The following GDAP1 variants were observed in gnomAD, a reference collection of about 807,000 sequenced individuals.
The protein encoded by GDAP1 is ganglioside-induced differentiation-associated protein 1.
Under a neutral mutation model 40.1 loss-of-function variants are expected in GDAP1, and 34 were observed. The ratio of observed to expected loss-of-function variants is 0.85; its 90% CI spans 0.64 to 1.13. GDAP1 has a LOEUF of 1.13. Among genes scored for constraint, GDAP1 ranks in the 50% most tolerant of loss-of-function variants. The pLI is 0.00. For synonymous variants in GDAP1, 170 were observed against 157.4 expected, an observed-to-expected ratio of 1.08 and a Z score of -0.60; for missense variants, 374 against 433.7, an observed-to-expected ratio of 0.86 and a Z score of 1.22.
chr8:74,394,980 C>CT (rs752099386), intron 2 of GDAP1, among the ~76,000 whole-genome samples: 10 of 152,142 alleles, frequency 6.6e-5, no homozygotes, highest in Non-Finnish European at 8.8e-5. Context: ...TTTAACTGGA[C>CT]TTTTTATCTT....
intron 2 of GDAP1, among the ~76,000 whole-genome samples, chr8:74,484,904 T>C (rs1806757208): frequency 6.6e-6 from 1 of 152,086 alleles, no homozygotes. Context: ...CCGGCCAAGT[T>C]CAAGCCCTCA....
At chr8:74,387,472 A>C (rs1019110773) in intron 2 of GDAP1, among the ~76,000 whole-genome samples, 3 of 152,052 alleles carry the variant, frequency 2.0e-5, no homozygotes, top group Admixed American at 6.6e-5. Flanking sequence ...TGTTTATGTG[A>C]TGGATCATGT....
chr8:74,380,942 T>C (rs1382486944), intron 2 of GDAP1, among the ~76,000 whole-genome samples: 2 of 152,146 alleles, frequency 1.3e-5, no homozygotes, highest in Admixed American at 1.3e-4. Context: ...GTATTCCTAA[T>C]CCTGTTTAAC....
At chr8:74,484,225 C>T (rs538929804) in intron 2 of GDAP1, among the ~76,000 whole-genome samples, 1 of 152,224 alleles carries the variant, frequency 6.6e-6, no homozygotes, top group South Asian at 2.1e-4. Flanking sequence ...ATTAATTGAA[C>T]ATTCCAATTA....
chr8:74,477,555 G>A (rs906236121), intron 2 of GDAP1, among the ~76,000 whole-genome samples: 3 of 151,984 alleles, frequency 2.0e-5, no homozygotes, highest in Non-Finnish European at 4.4e-5. Context: ...ATTTTAGGGG[G>A]CCAAGGCTCA....
At chr8:74,398,458 TG>T (rs1473263786) in intron 2 of GDAP1, among the ~76,000 whole-genome samples, 2 of 152,206 alleles carry the variant, frequency 1.3e-5, no homozygotes, top group African/African-American at 4.8e-5. Context: ...CTGAAGACGA[TG>T]GGGTTTTCTA....
chr8:74,393,047 C>G (rs1450951540), intron 2 of GDAP1, among the ~76,000 whole-genome samples: 1 of 152,108 alleles, frequency 6.6e-6, no homozygotes, highest in Non-Finnish European at 1.5e-5. Context: ...TTATCAATAC[C>G]TAAAATATTA....
intron 2 of GDAP1, among the ~76,000 whole-genome samples, chr8:74,395,286 A>C (rs548659728): frequency 6.6e-6 from 1 of 152,194 alleles, no homozygotes; most frequent in Non-Finnish European, 1.5e-5. Flanking sequence ...TTTTAAGTTC[A>C]GGGACCTGGT....
downstream of GDAP1, among the ~76,000 whole-genome samples, chr8:74,367,648 A>T (rs910693724): frequency 6.6e-6 from 1 of 152,228 alleles, no homozygotes; most frequent in African/African-American, 2.4e-5. Context: ...CTGCTTACCC[A>T]TATCAGAATG....
At chr8:74,462,721 G>A (rs1806415705) in intron 2 of GDAP1, among the ~76,000 whole-genome samples, 1 of 152,064 alleles carries the variant, frequency 6.6e-6, no homozygotes, top group South Asian at 2.1e-4. Flanking sequence ...GTTTGACACA[G>A]AAACCACTAA....
intron 3 of GDAP1, among the ~76,000 whole-genome samples, chr8:74,360,527 T>G (rs1051871167): frequency 9.2e-5 from 14 of 152,174 alleles, no homozygotes; most frequent in Non-Finnish European, 2.9e-5. Flanking sequence ...GGACCTGATT[T>G]ATCAGCTCTT....
chr8:74,410,274 G>GAAATCTTA, intron 2 of GDAP1, among the ~76,000 whole-genome samples: 1 of 149,654 alleles, frequency 6.7e-6, no homozygotes. Flanking sequence ...ATAGCAAGAG[G>GAAATCTTA]AAATCTTAAA....
intron 2 of GDAP1, among the ~76,000 whole-genome samples, chr8:74,352,682 C>G (rs1808937900): frequency 6.6e-6 from 1 of 152,182 alleles, no homozygotes; most frequent in East Asian, 1.9e-4. Flanking sequence ...GATGTACTTT[C>G]TTTTCATCTT....
At chr8:74,372,357 A>G (rs1482339485) in intron 2 of GDAP1, among the ~76,000 whole-genome samples, 1 of 152,184 alleles carries the variant, frequency 6.6e-6, no homozygotes, top group Non-Finnish European at 1.5e-5. Flanking sequence ...GTCTTCCACA[A>G]TGGTTGAACC....
rs749658930 is a variant in GDAP1 at position 74,350,506 on chromosome 8, G to A, written c.45G>A (p.Arg15=). The stretch of plus-strand genomic sequence containing the variant: ...AGCAGAGAGGGAGCCCGCCCTTGAG[G>A]GCGGAAGGCAAGGCCGACGCGGAGG... ...QEEQRGSPPL[R]AEGKADAEVK... Residue 15 remains arginine, a synonymous_variant, in exon 1 of 6, where the codon AGG becomes AGA. Transcript: ENST00000220822. 3 of 1,613,820 alleles carry A rather than the reference G, an allele frequency of 1.9e-6. No homozygotes were observed. The highest frequency in any genetic ancestry group is 2.5e-6 in the Non-Finnish European group (3 of 1,179,792).
intron 2 of GDAP1, among the ~76,000 whole-genome samples, chr8:74,454,126 G>T (rs1806311568): frequency 1.2e-5 from 1 of 83,674 alleles, no homozygotes; most frequent in African/African-American, 5.2e-5. Flanking sequence ...TGAGTTTTGG[G>T]TCTGTGGTTA....
chr8:74,458,475 G>T (rs1158013128), intron 2 of GDAP1, among the ~76,000 whole-genome samples: 2 of 152,150 alleles, frequency 1.3e-5, no homozygotes, highest in African/African-American at 4.8e-5. Flanking sequence ...GTCCTGGTTT[G>T]ATCTGCCCAT....
chr8:74,466,060 C>G (rs1806465700), intron 2 of GDAP1, among the ~76,000 whole-genome samples: 1 of 152,198 alleles, frequency 6.6e-6, no homozygotes, highest in South Asian at 2.1e-4. Context: ...TACTGCCATA[C>G]TCATTTTCTG....
At position 74,410,256 on chromosome 8, in the gene GDAP1, G is replaced by C. The variant is rs145578400; in HGVS notation, c.165+58935G>C. Among the ~76,000 whole-genome samples, 387 of 149,784 alleles carry C rather than the reference G, an allele frequency of 2.6e-3. 2 individuals carry two copies. Among genetic ancestry groups the C allele is most frequent in the South Asian group, 6.2e-3 (30 of 4,802 alleles). ...CTGAAAATTACAGCATTCACGGGGA[G>C]AAGAAAAATAGCAAGAGGAAATCTT... On this transcript the variant is annotated intron_variant, in intron 2 of 2. Coordinates refer to the GDAP1 transcript ENST00000523640.
Sources: allele counts gnomAD v4.1 joint callset (sites outside exome capture counted in the v4.1 genomes callset), GRCh38; gene constraint gnomAD v4.1.1; transcripts MANE v1.5; gene names NCBI Gene and HGNC (gene_info 2026-07-23, HGNC 2026-07-21).